RPGRIP1: variants seen among roughly 807,000 people sequenced by gnomAD.
The protein encoded by RPGRIP1 is RPGR interacting protein 1, also known as X-linked retinitis pigmentosa GTPase regulator-interacting protein 1.
A neutral mutation model predicts 157.9 loss-of-function variants in RPGRIP1; 128 were observed. The observed-to-expected ratio is 0.81, with a 90% CI of 0.70 to 0.94. RPGRIP1 has a LOEUF of 0.94. RPGRIP1 is among the 40% of genes least tolerant of loss of function. The pLI is 0.00. For missense variants in RPGRIP1, 1,486 were observed against 1,545.8 expected, an observed-to-expected ratio of 0.96 and a Z score of 0.65; for synonymous variants, 554 against 571.6, an observed-to-expected ratio of 0.97 and a Z score of 0.44.
chr14:21,328,973 G>C (rs1000730329), intron 19 of RPGRIP1, among the ~76,000 whole-genome samples: 10 of 151,926 alleles, frequency 6.6e-5, no homozygotes, highest in Non-Finnish European at 1.5e-5. Flanking sequence ...GTGAAACCCT[G>C]TCTCTACTAA....
At chr14:21,289,153 C>A (rs997711853) in intron 2 of RPGRIP1, among the ~76,000 whole-genome samples, 6 of 151,964 alleles carry the variant, frequency 3.9e-5, no homozygotes, top group Non-Finnish European at 8.8e-5. Flanking sequence ...TGGTGAAACC[C>A]CGTCTCTACT....
At chr14:21,307,908 C>T in intron 7 of RPGRIP1, 72 bp downstream of exon 7, 1 of 814,204 alleles carries the variant, frequency 1.2e-6, no homozygotes, top group Non-Finnish European at 1.9e-6. Flanking sequence ...ATTATTTTCT[C>T]CATTTTAAAT....
In RPGRIP1 at chr14:21,320,184, GC is replaced by G; in HGVS notation, c.1467+9del. ...AGAGAACACTCAGATCGAGGTAAGAGCCTCTTTAAACAAACTAGTCCACTCT... is the reference window on the plus strand; with the variant it reads ...AGAGAACACTCAGATCGAGGTAAGAGCTCTTTAAACAAACTAGTCCACTCT... On this transcript the variant is annotated splice_region_variant and intron_variant, in intron 12 of 24. Coordinates refer to ENST00000400017, the MANE Select transcript of RPGRIP1 (RefSeq NM_020366.4). 1 of 1,612,964 alleles carries G rather than the reference GC, an allele frequency of 6.2e-7. No individual in the cohort carries two copies. Among genetic ancestry groups the G allele is most frequent in the Non-Finnish European group, 8.5e-7 (1 of 1,179,364 alleles).
chr14:21,307,569 A>G (rs1184746551), intron 6 of RPGRIP1, among the ~76,000 whole-genome samples, 162 bp from the exon 7 acceptor site: 1 of 152,224 alleles, frequency 6.6e-6, no homozygotes, highest in Non-Finnish European at 1.5e-5. Context: ...AAAGGAGATT[A>G]TTTACTAGAC....
At chr14:21,306,464 ATTTTT>A (rs1462886701) in intron 6 of RPGRIP1, among the ~76,000 whole-genome samples, 1 of 147,442 alleles carries the variant, frequency 6.8e-6, no homozygotes, top group Admixed American at 6.8e-5. Context: ...ATTTTATTTT[ATTTTT>A]ATTTTCCGAG....
At chr14:21,321,586 G>A (rs967016216) in intron 13 of RPGRIP1, 184 bp downstream of exon 13, 3 of 1,263,684 alleles carry the variant, frequency 2.4e-6, no homozygotes, top group African/African-American at 3.0e-5. Flanking sequence ...CGGCACCTTG[G>A]CACTAGGAGC....
rs558687698 is a variant in RPGRIP1 at position 21,288,776 on chromosome 14, C to A, written c.85+715C>A. Among the ~76,000 whole-genome samples the A allele has an allele frequency of 3.8e-3, 575 of 151,820 alleles. 4 individuals carry two copies. Among genetic ancestry groups the A allele is most frequent in the African/African-American group, 0.013 (557 of 41,400 alleles). On this transcript the variant is annotated intron_variant, in intron 2 of 24. Coordinates refer to ENST00000400017, the MANE Select transcript of RPGRIP1 (RefSeq NM_020366.4). ...TGATCCGCCTGCCTCGGTCTCCCAA[C>A]GTGCTGGATTACAGGCGTGAGCCAC...
intron 23 of RPGRIP1, among the ~76,000 whole-genome samples, 156 bp downstream of exon 23, chr14:21,345,353 T>C (rs1192392943): frequency 9.2e-5 from 14 of 152,220 alleles, no homozygotes; most frequent in Non-Finnish European, 8.8e-5. Flanking sequence ...TAATTTATAT[T>C]TGTGACTACC....
At chr14:21,325,796 C>T in intron 16 of RPGRIP1, 35 bp from the exon 17 acceptor site, 2 of 1,507,020 alleles carry the variant, frequency 1.3e-6, no homozygotes, top group African/African-American at 1.4e-5. Flanking sequence ...TCTCAAGCTG[C>T]CCTTTTCCTC....
chr14:21,283,102 G>A (rs1298010927), intron 1 of RPGRIP1, among the ~76,000 whole-genome samples: 5 of 152,066 alleles, frequency 3.3e-5, no homozygotes, highest in African/African-American at 4.8e-5. Flanking sequence ...TTGGTGGTGC[G>A]TCAATGTGCT....
chr14:21,300,305 CAAA>C (rs35287014), intron 3 of RPGRIP1, among the ~76,000 whole-genome samples: 2 of 98,192 alleles, frequency 2.0e-5, no homozygotes, highest in Non-Finnish European at 4.2e-5. Context: ...AAGTCCGTCT[CAAA>C]AAAAAAAAAA....
chr14:21,327,618 C>T lies in RPGRIP1; in HGVS notation c.2711-5C>T. On this transcript the variant is annotated splice_region_variant and splice_polypyrimidine_tract_variant and intron_variant, in intron 17 of 24. Coordinates refer to ENST00000400017, the MANE Select transcript of RPGRIP1 (RefSeq NM_020366.4). ...AGGTCTTATTAATATCTGTTTGTTT[C>T]TCAGGTGATTTTAACCTCACTGACC... 1 of 1,613,352 alleles carries T rather than the reference C, an allele frequency of 6.2e-7. No homozygotes were observed. Among genetic ancestry groups the T allele is most frequent in the East Asian group, 2.2e-5 (1 of 44,870 alleles).
chr14:21,338,210 C>T (rs1178704089), intron 21 of RPGRIP1, among the ~76,000 whole-genome samples: 1 of 152,232 alleles, frequency 6.6e-6, no homozygotes, highest in Non-Finnish European at 1.5e-5. Context: ...GCCACCGCTC[C>T]TGGCCTCCCT....
At chr14:21,330,194 A>C in intron 19 of RPGRIP1, 55 bp from the exon 20 acceptor site, 1 of 1,308,896 alleles carries the variant, frequency 7.6e-7, no homozygotes, top group South Asian at 1.9e-5. Context: ...GAAGGAATGA[A>C]GAAAGAAAAC....
intron 20 of RPGRIP1, among the ~76,000 whole-genome samples, chr14:21,331,936 A>ATTT (rs397852575): frequency 4.6e-5 from 6 of 130,666 alleles, no homozygotes; most frequent in South Asian, 2.4e-4. Context: ...TATATATATA[A>ATTT]TTTTTTTTTT....
intron 1 of RPGRIP1, among the ~76,000 whole-genome samples, chr14:21,283,913 G>A (rs752906531): frequency 6.6e-6 from 1 of 152,158 alleles, no homozygotes; most frequent in South Asian, 2.1e-4. Flanking sequence ...TTATAAACGT[G>A]AGCCACCGTG....
intron 14 of RPGRIP1, chr14:21,324,025 C>T (rs1882783026): frequency 6.4e-6 from 1 of 157,190 alleles, no homozygotes; most frequent in African/African-American, 2.4e-5. Flanking sequence ...CTACCTCTTT[C>T]CAGTAAGTCT....
chr14:21,310,734 A>G, intron 8 of RPGRIP1, 127 bp downstream of exon 8: 1 of 656,734 alleles, frequency 1.5e-6, no homozygotes, highest in South Asian at 1.8e-5. Flanking sequence ...ATTATGTCAT[A>G]TAGTTTCTGT....
Position 21,342,985 on chromosome 14 carries a change from A to G in RPGRIP1, c.3340-51A>G, listed in dbSNP as rs370813192. On this transcript the variant is annotated intron_variant, in intron 21 of 24. Coordinates refer to ENST00000400017, the MANE Select transcript of RPGRIP1 (RefSeq NM_020366.4). The stretch of plus-strand genomic sequence containing the variant: ...TGGGTTAATTGGATGGCGTATAAGC[A>G]CTTGGAGCCTCACTAACCTTTAGGA... 65 of 1,388,812 alleles carry G rather than the reference A, an allele frequency of 4.7e-5. 2 individuals are homozygous for G. The highest frequency in any genetic ancestry group is 3.9e-4 in the East Asian group (17 of 43,772). The allele number at this position is 1,388,812 out of a possible 1,614,324, so 86.0% of individuals were successfully genotyped here.
Sources: gnomAD v4.1 joint callset for allele counts (sites outside exome capture counted in the v4.1 genomes callset) on GRCh38, gnomAD v4.1.1 for gene constraint, MANE v1.5 for transcripts, NCBI Gene and HGNC (gene_info 2026-07-23, HGNC 2026-07-21) for gene names.